Variants in MACROD2 observed in about 807,000 individuals in gnomAD.
The protein encoded by MACROD2 is ADP-ribose glycohydrolase MACROD2.
In MACROD2, 36 loss-of-function variants were observed where a neutral mutation model predicts 70.4. The ratio of observed to expected loss-of-function variants is 0.51; its 90% confidence interval spans 0.39 to 0.68. The LOEUF is 0.68. Among genes scored for constraint, MACROD2 ranks in the 30% least tolerant of loss-of-function variants. The pLI is 0.00. For synonymous variants in MACROD2, 172 were observed against 178.8 expected (o/e 0.96, Z 0.30); for missense variants, 496 against 538.4 (o/e 0.92, Z 0.78).
chr20:14,337,265 G>A (rs934319533), intron 3 of MACROD2: 3 of 236,326 alleles, frequency 1.3e-5, no homozygotes, highest in South Asian at 1.8e-4. Context: ...TGGCTTGCAC[G>A]CACATATATT....
chr20:15,164,933 C>A (rs2076373361), intron 5 of MACROD2, among the ~76,000 whole-genome samples: 1 of 151,742 alleles, frequency 6.6e-6, no homozygotes, highest in Non-Finnish European at 1.5e-5. Context: ...ATATCAATAT[C>A]AGCATAAATG....
intron 5 of MACROD2, among the ~76,000 whole-genome samples, chr20:14,924,911 A>G (rs2074210782): frequency 6.6e-6 from 1 of 152,148 alleles, no homozygotes; most frequent in South Asian, 2.1e-4. Flanking sequence ...TGTAATATAA[A>G]TAACCCTCAG....
intron 4 of MACROD2, among the ~76,000 whole-genome samples, chr20:14,602,029 G>A (rs935608550): frequency 2.0e-5 from 3 of 152,120 alleles, no homozygotes; most frequent in African/African-American, 7.2e-5. Context: ...GGATCATGTC[G>A]TAGTGATGCA....
chr20:14,985,564 C>T (rs2074840798), intron 5 of MACROD2, among the ~76,000 whole-genome samples: 1 of 152,048 alleles, frequency 6.6e-6, no homozygotes, highest in Admixed American at 6.5e-5. Flanking sequence ...GCTAACCTTC[C>T]AAAGGAAACT....
At position 15,613,931 on chromosome 20, in the gene MACROD2, C is replaced by A. The variant is rs1466195153; in HGVS notation, c.645+114084C>A. ...CTGCTGTCATGGCTCAATAGAGCCA[C>A]TTACTATTTTTGACTGCACCTTACA... On this transcript the variant is annotated intron_variant, in intron 8 of 17. Transcript: ENST00000684519. 8.5e-5 allele frequency among the ~76,000 whole-genome samples: 13 copies of A among 152,346 alleles called. No individual in the cohort carries two copies. The East Asian group carries it at 2.5e-3, about 29-fold the overall frequency.
At chr20:14,337,368 G>T in intron 3 of MACROD2, 6 of 316,458 alleles carry the variant, frequency 1.9e-5, no homozygotes, top group East Asian at 4.6e-5. Context: ...CAAACTTTCT[G>T]GGACAATCAT....
At chr20:15,945,517 T>G (rs114286832) in intron 12 of MACROD2, among the ~76,000 whole-genome samples, 445 of 152,334 alleles carry the variant, frequency 2.9e-3, no homozygotes, top group African/African-American at 0.01. Flanking sequence ...TGCTTTTATT[T>G]GTATGGAAAG....
intron 5 of MACROD2, among the ~76,000 whole-genome samples, chr20:14,800,514 A>G (rs2072561965): frequency 6.6e-6 from 1 of 152,112 alleles, no homozygotes; most frequent in Non-Finnish European, 1.5e-5. Flanking sequence ...TAACTGTTTC[A>G]TTATAACGTA....
intron 5 of MACROD2, among the ~76,000 whole-genome samples, chr20:15,060,297 T>C (rs537993129): frequency 6.6e-6 from 1 of 152,320 alleles, no homozygotes; most frequent in South Asian, 2.1e-4. Flanking sequence ...TCTCTGAAGG[T>C]TGTCACAGTT....
At chr20:15,650,516 G>A (rs985809544) in intron 8 of MACROD2, among the ~76,000 whole-genome samples, 5 of 152,276 alleles carry the variant, frequency 3.3e-5, no homozygotes, top group Admixed American at 6.5e-5. Context: ...AAGTGCTTCT[G>A]ATTTGAGCAA....
intron 8 of MACROD2, among the ~76,000 whole-genome samples, chr20:15,724,074 T>C (rs1380955214): frequency 6.6e-6 from 1 of 152,232 alleles, no homozygotes; most frequent in African/African-American, 2.4e-5. Flanking sequence ...TGCCATTCTT[T>C]GTTGGTGAGG....
At chr20:15,118,177 G>A (rs1261303221) in intron 5 of MACROD2, among the ~76,000 whole-genome samples, 1 of 146,164 alleles carries the variant, frequency 6.8e-6, no homozygotes, top group African/African-American at 2.6e-5. Flanking sequence ...CATCTAAAGT[G>A]AGCTTTTTTT....
At chr20:15,039,479 T>C (rs1230890813) in intron 5 of MACROD2, among the ~76,000 whole-genome samples, 1 of 152,152 alleles carries the variant, frequency 6.6e-6, no homozygotes, top group East Asian at 1.9e-4. Context: ...AAAGGAAGGT[T>C]GGAGAGACCT....
At chr20:15,690,850 A>G (rs1269543358) in intron 8 of MACROD2, among the ~76,000 whole-genome samples, 1 of 152,230 alleles carries the variant, frequency 6.6e-6, no homozygotes, top group Non-Finnish European at 1.5e-5. Context: ...TCCTAGTATT[A>G]CAGTCTGCAG....
intron 8 of MACROD2, among the ~76,000 whole-genome samples, chr20:15,800,505 T>A (rs577647352): frequency 3.1e-4 from 47 of 152,224 alleles, no homozygotes; most frequent in African/African-American, 1.1e-3. Context: ...ATAGGGATAT[T>A]CAGTTTTCCC....
At chr20:15,404,525 C>T (rs940134307) in intron 6 of MACROD2, among the ~76,000 whole-genome samples, 7 of 152,172 alleles carry the variant, frequency 4.6e-5, no homozygotes, top group African/African-American at 1.7e-4. Flanking sequence ...TATTTTTACC[C>T]ACTGCAACCT....
intron 7 of MACROD2, among the ~76,000 whole-genome samples, chr20:15,432,243 G>T (rs940230230): frequency 6.6e-6 from 1 of 152,006 alleles, no homozygotes; most frequent in Non-Finnish European, 1.5e-5. Context: ...TTACAATGAA[G>T]GACTACCTAG....
At chr20:14,913,059 CTGTG>C (rs1021781111) in intron 5 of MACROD2, among the ~76,000 whole-genome samples, 1 of 151,932 alleles carries the variant, frequency 6.6e-6, no homozygotes, top group Non-Finnish European at 1.5e-5. Flanking sequence ...GTTGTGATAG[CTGTG>C]TGTGTGTGCA....
intron 8 of MACROD2, among the ~76,000 whole-genome samples, chr20:15,842,747 G>T (rs7353369): frequency 0.81 from 113,760 of 140,864 alleles, 44,816 homozygotes; most frequent in East Asian, 0.95. Flanking sequence ...GATAGATAGA[G>T]AAATAGACAG....
Sources: gnomAD v4.1 joint callset for allele counts (sites outside exome capture counted in the v4.1 genomes callset) on GRCh38, gnomAD v4.1.1 for gene constraint, MANE v1.5 for transcripts, NCBI Gene and HGNC (gene_info 2026-07-23, HGNC 2026-07-21) for gene names.